Variants in KCNIP4 observed in about 807,000 individuals in gnomAD.
KCNIP4 encodes the protein Kv channel-interacting protein 4.
A neutral mutation model predicts 34.0 loss-of-function variants in KCNIP4; 12 were observed. The ratio of observed to expected loss-of-function variants is 0.35; its 90% confidence interval spans 0.23 to 0.57. The LOEUF (loss-of-function observed/expected upper bound fraction) is 0.57. KCNIP4 is among the 20% of genes least tolerant of loss of function. KCNIP4 has a pLI of 0.83. For synonymous variants in KCNIP4, 124 were observed against 102.2 expected, an observed-to-expected ratio of 1.21 and a Z score of -1.29; for missense variants, 238 against 311.7, an observed-to-expected ratio of 0.76 and a Z score of 1.78.
At chr4:21,048,975 G>A (rs1335129010) in intron 1 of KCNIP4, among the ~76,000 whole-genome samples, 4 of 136,772 alleles carry the variant, frequency 2.9e-5, no homozygotes, top group Non-Finnish European at 6.1e-5. Flanking sequence ...TTTTGAGACG[G>A]AGTCTCGCTC....
At chr4:21,472,395 A>G (rs1485077223) in intron 1 of KCNIP4, among the ~76,000 whole-genome samples, 1 of 152,140 alleles carries the variant, frequency 6.6e-6, no homozygotes, top group African/African-American at 2.4e-5. Flanking sequence ...TGCTCACAAC[A>G]TGAGTGAGAA....
chr4:21,190,452 TC>T (rs1755546405), intron 1 of KCNIP4, among the ~76,000 whole-genome samples: 1 of 116,550 alleles, frequency 8.6e-6, no homozygotes, highest in Non-Finnish European at 1.7e-5. Context: ...GTGCCACACC[TC>T]CCTTACCATT....
intron 1 of KCNIP4, among the ~76,000 whole-genome samples, chr4:21,714,801 T>C (rs529630166): frequency 0.51 from 410 of 810 alleles, 127 homozygotes; most frequent in Non-Finnish European, 0.52. Context: ...TTTATTTTAT[T>C]TTATTTTATT....
At chr4:21,051,006 C>G (rs9884534) in intron 1 of KCNIP4, among the ~76,000 whole-genome samples, 2,976 of 152,242 alleles carry the variant, frequency 0.02, 99 homozygotes, top group African/African-American at 0.068. Context: ...TTCTCTTCTC[C>G]TAAGCTTCCA....
At chr4:21,824,502 C>A (rs577279278) in intron 1 of KCNIP4, among the ~76,000 whole-genome samples, 1 of 152,094 alleles carries the variant, frequency 6.6e-6, no homozygotes, top group East Asian at 1.9e-4. Context: ...CTGGCTCAAC[C>A]AATTCTGTGA....
At chr4:20,858,221 A>G (rs1182219097) in intron 2 of KCNIP4, among the ~76,000 whole-genome samples, 1 of 85,074 alleles carries the variant, frequency 1.2e-5, no homozygotes, top group Non-Finnish European at 2.3e-5. Flanking sequence ...CAAAAAAAAA[A>G]AAAAAAAAAA....
intron 1 of KCNIP4, among the ~76,000 whole-genome samples, chr4:21,169,952 T>C (rs10004710): frequency 0.66 from 99,837 of 151,954 alleles, 33,367 homozygotes; most frequent in African/African-American, 0.77. Flanking sequence ...CACACATGTT[T>C]ATACCAAAGA....
chr4:20,920,764 G>C (rs1005184547), intron 1 of KCNIP4, among the ~76,000 whole-genome samples: 3 of 152,118 alleles, frequency 2.0e-5, no homozygotes, highest in African/African-American at 7.2e-5. Flanking sequence ...GGCCGAGGCG[G>C]GTGGATCACA....
At chr4:21,028,509 A>G (rs980287421) in intron 1 of KCNIP4, among the ~76,000 whole-genome samples, 2 of 152,220 alleles carry the variant, frequency 1.3e-5, no homozygotes, top group African/African-American at 4.8e-5. Context: ...TCCTGATCCA[A>G]TGTACTGTAG....
intron 1 of KCNIP4, among the ~76,000 whole-genome samples, chr4:21,424,368 C>T (rs1204864618): frequency 1.3e-5 from 2 of 151,400 alleles, no homozygotes; most frequent in East Asian, 2.0e-4. Context: ...GTCAGGAGTT[C>T]GAGACCAGCC....
chr4:20,774,325 C>T (rs1182605778), intron 3 of KCNIP4, among the ~76,000 whole-genome samples: 1 of 152,038 alleles, frequency 6.6e-6, no homozygotes, highest in Non-Finnish European at 1.5e-5. Context: ...TGTTCCACTT[C>T]CTTAGTTATT....
At chr4:21,106,938 T>C (rs944105186) in intron 1 of KCNIP4, among the ~76,000 whole-genome samples, 3 of 151,396 alleles carry the variant, frequency 2.0e-5, no homozygotes, top group African/African-American at 7.4e-5. Context: ...TGAGTTCTAG[T>C]TTGATTGCAC....
At chr4:20,968,085 A>G (rs1249045172) in intron 1 of KCNIP4, among the ~76,000 whole-genome samples, 1 of 151,974 alleles carries the variant, frequency 6.6e-6, no homozygotes, top group Non-Finnish European at 1.5e-5. Flanking sequence ...AATTTACAAG[A>G]AAAAAACAAC....
rs1272055432 is a variant in KCNIP4, at chr4:20,760,842, T to TGAGC, written c.289-1956_289-1953dup. ...AAAGAAAAAAACAACCAAAAACAAA[T>TGAGC]GAGCAAGCAAGCAAGCAAGTGAACT... On this transcript the variant is annotated intron_variant, in intron 3 of 8. Transcript: ENST00000382152. 4.1e-4 allele frequency among the ~76,000 whole-genome samples: 63 copies of TGAGC among 152,220 alleles called. No homozygotes were observed. The South Asian group carries it at 5.4e-3, about 13-fold the overall frequency.
chr4:21,772,215 T>G (rs764164154), intron 1 of KCNIP4, among the ~76,000 whole-genome samples: 17 of 152,218 alleles, frequency 1.1e-4, no homozygotes, highest in Non-Finnish European at 2.1e-4. Context: ...GTTTACGTGA[T>G]GGATGACGTT....
intron 1 of KCNIP4, among the ~76,000 whole-genome samples, chr4:21,535,882 C>G (rs940231086): frequency 6.6e-6 from 1 of 152,024 alleles, no homozygotes; most frequent in African/African-American, 2.4e-5. Context: ...AATGTCAATT[C>G]CTGGGCCCTA....
chr4:21,908,625 G>A (rs1011060721), intron 1 of KCNIP4, among the ~76,000 whole-genome samples: 7 of 152,058 alleles, frequency 4.6e-5, no homozygotes, highest in African/African-American at 9.7e-5. Context: ...GGAATATAAC[G>A]GACTGAACTA....
chr4:21,539,545 A>G (rs985005764), intron 1 of KCNIP4, among the ~76,000 whole-genome samples: 8 of 152,182 alleles, frequency 5.3e-5, no homozygotes, highest in African/African-American at 1.9e-4. Flanking sequence ...CATAATGCCC[A>G]ATGACTTTGT....
chr4:20,798,949 C>T (rs1713860440), intron 3 of KCNIP4, among the ~76,000 whole-genome samples: 1 of 152,146 alleles, frequency 6.6e-6, no homozygotes, highest in South Asian at 2.1e-4. Flanking sequence ...GTCCCCTATC[C>T]TATTGCCTGT....
Sources: allele counts gnomAD v4.1 joint callset (sites outside exome capture counted in the v4.1 genomes callset), GRCh38; gene constraint gnomAD v4.1.1; transcripts MANE v1.5; gene names NCBI Gene and HGNC (gene_info 2026-07-23, HGNC 2026-07-21).